The following ANKFN1 variants were observed in gnomAD, a reference collection of about 807,000 sequenced individuals.
ANKFN1 encodes the protein ankyrin repeat and fibronectin type-III domain-containing protein 1.
A neutral mutation model predicts 108.7 loss-of-function variants in ANKFN1; 74 were observed. That is an observed-to-expected ratio of 0.68 (90% CI 0.56 to 0.83). The LOEUF (loss-of-function observed/expected upper bound fraction) is 0.83, where lower values mean the gene tolerates loss of function less well. Among genes scored for constraint, ANKFN1 ranks in the 40% least tolerant of loss-of-function variants. The pLI is 0.00. For synonymous variants in ANKFN1, 547 were observed against 516.2 expected (o/e 1.06, Z -0.81); for missense variants, 1,505 against 1,382.3 (o/e 1.09, Z -1.41).
intron 3 of ANKFN1, among the ~76,000 whole-genome samples, chr17:56,237,951 G>T (rs946828002): frequency 1.1e-4 from 16 of 152,020 alleles, no homozygotes; most frequent in African/African-American, 3.9e-4. Context: ...ATTGAACTGT[G>T]TCCCAGAGAT....
At chr17:56,158,140 G>A (rs556323811) in intron 1 of ANKFN1, among the ~76,000 whole-genome samples, 63 of 152,148 alleles carry the variant, frequency 4.1e-4, no homozygotes, top group Non-Finnish European at 8.2e-4. Flanking sequence ...TCAGCCATTT[G>A]AACACCATGG....
At chr17:56,201,331 A>C (rs1220556727) in intron 1 of ANKFN1, among the ~76,000 whole-genome samples, 1 of 152,180 alleles carries the variant, frequency 6.6e-6, no homozygotes, top group Non-Finnish European at 1.5e-5. Context: ...ACACCAACTC[A>C]TCCAGCAGAC....
At chr17:56,196,022 C>T (rs930451799) in intron 1 of ANKFN1, among the ~76,000 whole-genome samples, 15 of 152,126 alleles carry the variant, frequency 9.9e-5, no homozygotes, top group Non-Finnish European at 1.9e-4. Flanking sequence ...GCCTTCTCAC[C>T]TTGGAAGGCT....
intron 19 of ANKFN1, among the ~76,000 whole-genome samples, chr17:56,495,334 TCTCACTCA>T (rs990233879): frequency 6.6e-6 from 1 of 151,550 alleles, no homozygotes; most frequent in African/African-American, 2.4e-5. Context: ...TCTCTCTCTC[TCTCACTCA>T]CTCACTCACT....
intron 8 of ANKFN1, among the ~76,000 whole-genome samples, chr17:56,401,215 A>G (rs2047751153): frequency 6.6e-6 from 1 of 152,182 alleles, no homozygotes; most frequent in Non-Finnish European, 1.5e-5. Flanking sequence ...CTACCCATCC[A>G]TGAGCATGGG....
At chr17:56,396,813 T>C (rs2047601970) in intron 8 of ANKFN1, among the ~76,000 whole-genome samples, 1 of 151,998 alleles carries the variant, frequency 6.6e-6, no homozygotes, top group Admixed American at 6.6e-5. Context: ...CAGAATCAAA[T>C]TTAATCCCAA....
At chr17:56,443,730 A>G (rs1037300770) in intron 10 of ANKFN1, among the ~76,000 whole-genome samples, 5 of 152,244 alleles carry the variant, frequency 3.3e-5, no homozygotes, top group African/African-American at 1.2e-4. Context: ...TTAATTGTCT[A>G]TGCCAGGTAT....
At chr17:56,117,642 G>A (rs1428352622) in intron 4 of ANKFN1, among the ~76,000 whole-genome samples, 1 of 152,106 alleles carries the variant, frequency 6.6e-6, no homozygotes, top group Non-Finnish European at 1.5e-5. Flanking sequence ...ACGAAAACTG[G>A]AAAAGGAATA....
intron 6 of ANKFN1, chr17:56,368,131 A>C: frequency 7.8e-7 from 1 of 1,281,584 alleles, no homozygotes; most frequent in Non-Finnish European, 1.1e-6. Context: ...GAGCCTGATC[A>C]CTATAAATAT....
At chr17:56,362,320 A>AT (rs762644713) in intron 6 of ANKFN1, among the ~76,000 whole-genome samples, 4 of 152,292 alleles carry the variant, frequency 2.6e-5, no homozygotes, top group South Asian at 4.1e-4. Flanking sequence ...AATTTGTATA[A>AT]TTTTTATGTT....
chr17:56,142,024 A>C (rs1189567229), intron 4 of ANKFN1, among the ~76,000 whole-genome samples: 3 of 139,372 alleles, frequency 2.2e-5, no homozygotes, highest in South Asian at 4.5e-4. Flanking sequence ...TCTGCCTCCC[A>C]GGTTCCAGTG....
intron 3 of ANKFN1, among the ~76,000 whole-genome samples, chr17:56,299,976 G>A (rs953647875): frequency 6.6e-6 from 1 of 152,162 alleles, no homozygotes; most frequent in African/African-American, 2.4e-5. Flanking sequence ...ATTCACCACA[G>A]AACTTAATGA....
At chr17:56,184,372 A>C (rs747779632) in intron 1 of ANKFN1, among the ~76,000 whole-genome samples, 3 of 152,218 alleles carry the variant, frequency 2.0e-5, no homozygotes, top group Non-Finnish European at 4.4e-5. Context: ...GATTGTATGC[A>C]ATTTTAAACA....
chr17:56,420,107 C>G (rs1241910327), intron 8 of ANKFN1, among the ~76,000 whole-genome samples: 1 of 152,142 alleles, frequency 6.6e-6, no homozygotes, highest in African/African-American at 2.4e-5. Flanking sequence ...CCACGTTATT[C>G]CCTCTGCATG....
intron 8 of ANKFN1, among the ~76,000 whole-genome samples, chr17:56,396,191 G>A (rs1326979964): frequency 6.6e-6 from 1 of 152,212 alleles, no homozygotes; most frequent in Non-Finnish European, 1.5e-5. Context: ...GCTCACACCT[G>A]TAATCCCAAC....
chr17:56,148,747 C>T (rs899340055), upstream of ANKFN1, among the ~76,000 whole-genome samples: 2 of 152,168 alleles, frequency 1.3e-5, no homozygotes, highest in Non-Finnish European at 2.9e-5. Flanking sequence ...CTGCACATTT[C>T]CATTAATTAT....
At chr17:56,309,834 TTCTC>T (rs554755610) in intron 3 of ANKFN1, among the ~76,000 whole-genome samples, 2 of 152,160 alleles carry the variant, frequency 1.3e-5, no homozygotes, top group African/African-American at 4.8e-5. Context: ...TGTAAATGTG[TTCTC>T]TCTCTCTCAA....
At chr17:56,207,548 A>G (rs1013037395) in intron 1 of ANKFN1, among the ~76,000 whole-genome samples, 5 of 152,130 alleles carry the variant, frequency 3.3e-5, no homozygotes, top group African/African-American at 1.2e-4. Context: ...TACTTCATTG[A>G]TAGCCAGAAC....
rs576500561 is a variant in ANKFN1 at position 56,090,698 on chromosome 17, C to T, written c.288+44373C>T. ...CATGGCTCACTGCAGCCTCAAACTC[C>T]CAAGCGCAAGTGGTCCTCACACATC... is the stretch of plus-strand genomic sequence containing the variant. On this transcript the variant is annotated intron_variant, in intron 4 of 12. Coordinates refer to the ANKFN1 transcript ENST00000635860. Among the ~76,000 whole-genome samples the T allele has an allele frequency of 5.3e-5, 8 of 151,012 alleles. 2 individuals carry two copies. Among genetic ancestry groups the T allele is most frequent in the African/African-American group, 1.7e-4 (7 of 41,178 alleles).
Sources: allele counts gnomAD v4.1 joint callset (sites outside exome capture counted in the v4.1 genomes callset), GRCh38; gene constraint gnomAD v4.1.1; transcripts MANE v1.5; gene names NCBI Gene and HGNC (gene_info 2026-07-23, HGNC 2026-07-21).